Variants in ZCCHC7 observed in about 807,000 individuals in gnomAD.
ZCCHC7 encodes the protein zinc finger CCHC-type containing 7.
In ZCCHC7, 35 loss-of-function variants were observed where a neutral mutation model predicts 52.0. That is an observed-to-expected ratio of 0.67 (90% CI 0.51 to 0.89). ZCCHC7 has a LOEUF of 0.89. Ranked by LOEUF, ZCCHC7 falls within the 40% of genes least tolerant of loss-of-function variation. The pLI is 0.00. For missense variants in ZCCHC7, 574 were observed against 649.1 expected (o/e 0.88, Z 1.26); for synonymous variants, 217 against 221.5 (o/e 0.98, Z 0.18).
intron 6 of ZCCHC7, among the ~76,000 whole-genome samples, chr9:37,344,226 G>A (rs1213072659): frequency 1.3e-5 from 2 of 152,122 alleles, no homozygotes; most frequent in African/African-American, 4.8e-5. Flanking sequence ...TGTGAACATA[G>A]ACCTTTTCAG....
At chr9:37,248,345 GAATT>G (rs1176412125) in intron 2 of ZCCHC7, among the ~76,000 whole-genome samples, 1 of 152,136 alleles carries the variant, frequency 6.6e-6, no homozygotes, top group African/African-American at 2.4e-5. Context: ...ATCTGTTTAA[GAATT>G]AAAGTAATTT....
intron 2 of ZCCHC7, chr9:37,186,661 A>T (rs1822673534): frequency 3.6e-6 from 2 of 558,164 alleles, no homozygotes; most frequent in Admixed American, 6.3e-5. Flanking sequence ...AAATAAAGAA[A>T]ATTATACTCT....
At chr9:37,217,095 A>G (rs1443484309) in intron 2 of ZCCHC7, among the ~76,000 whole-genome samples, 1 of 152,132 alleles carries the variant, frequency 6.6e-6, no homozygotes, top group Admixed American at 6.5e-5. Context: ...CAGTGACTTA[A>G]GGAGAGAAGC....
intron 2 of ZCCHC7, among the ~76,000 whole-genome samples, chr9:37,235,998 G>GT (rs1338391485): frequency 6.6e-6 from 1 of 152,144 alleles, no homozygotes; most frequent in African/African-American, 2.4e-5. Flanking sequence ...CTTGGCTAAT[G>GT]TGAGTAGTGC....
chr9:37,346,958 T>C (rs495863), intron 6 of ZCCHC7, among the ~76,000 whole-genome samples: 57,495 of 151,938 alleles, frequency 0.38, 11,165 homozygotes, highest in Middle Eastern at 0.44. Context: ...ATTGTGCCTC[T>C]GTACTCCACC....
At chr9:37,304,597 C>T (rs1007396671) in intron 4 of ZCCHC7, among the ~76,000 whole-genome samples, 3 of 150,828 alleles carry the variant, frequency 2.0e-5, no homozygotes, top group Non-Finnish European at 2.9e-5. Context: ...ATGGAGCTTG[C>T]GGTAACAGAG....
intron 2 of ZCCHC7, among the ~76,000 whole-genome samples, chr9:37,280,821 T>C (rs896046352): frequency 1.3e-5 from 2 of 152,124 alleles, no homozygotes; most frequent in Non-Finnish European, 2.9e-5. Flanking sequence ...CAGGTTGGAA[T>C]GTAGAGGCAC....
At chr9:37,141,599 A>G (rs1163879844) in intron 2 of ZCCHC7, among the ~76,000 whole-genome samples, 3 of 151,942 alleles carry the variant, frequency 2.0e-5, no homozygotes, top group Admixed American at 1.3e-4. Flanking sequence ...GTTATTTTAT[A>G]GTGTAACCAA....
intron 6 of ZCCHC7, among the ~76,000 whole-genome samples, chr9:37,336,228 TC>T (rs1205648903): frequency 1.3e-5 from 2 of 152,144 alleles, no homozygotes; most frequent in Non-Finnish European, 2.9e-5. Context: ...TCTGCAGACT[TC>T]CAGCTGTATT....
At chr9:37,163,225 A>C (rs369025682) in intron 2 of ZCCHC7, among the ~76,000 whole-genome samples, 282 of 151,688 alleles carry the variant, frequency 1.9e-3, no homozygotes, top group Middle Eastern at 3.4e-3. Context: ...AACAAACAAA[A>C]AAAAACAAAA....
chr9:37,207,216 AT>A (rs1823965726), intron 2 of ZCCHC7, among the ~76,000 whole-genome samples: 1 of 152,114 alleles, frequency 6.6e-6, no homozygotes, highest in African/African-American at 2.4e-5. Flanking sequence ...TGAAAGTGTA[AT>A]TTTGCTTTCA....
intron 5 of ZCCHC7, among the ~76,000 whole-genome samples, chr9:37,318,289 C>A (rs1021185360): frequency 8.6e-5 from 13 of 151,758 alleles, no homozygotes; most frequent in Non-Finnish European, 1.8e-4. Flanking sequence ...TGGTGAAACC[C>A]CATCTGTACT....
intron 2 of ZCCHC7, among the ~76,000 whole-genome samples, chr9:37,247,180 T>G (rs533077043): frequency 5.1e-4 from 77 of 152,330 alleles, no homozygotes; most frequent in African/African-American, 1.8e-3. Context: ...TAAATGTACT[T>G]TGTGGATTTT....
At chr9:37,205,554 T>C (rs1048228087) in intron 2 of ZCCHC7, among the ~76,000 whole-genome samples, 1 of 152,224 alleles carries the variant, frequency 6.6e-6, no homozygotes, top group African/African-American at 2.4e-5. Flanking sequence ...TCTCGCTCAG[T>C]CGCCCAGGTT....
At chr9:37,199,327 CTTTTTTTTT>C (rs57881366) in intron 2 of ZCCHC7, among the ~76,000 whole-genome samples, 4 of 129,684 alleles carry the variant, frequency 3.1e-5, no homozygotes, top group Non-Finnish European at 4.8e-5. Context: ...TTTCTTTCTT[CTTTTTTTTT>C]TTTTTTTTTC....
intron 5 of ZCCHC7, among the ~76,000 whole-genome samples, chr9:37,316,412 A>G (rs189351876): frequency 1.1e-3 from 157 of 148,650 alleles, no homozygotes; most frequent in African/African-American, 3.7e-3. Flanking sequence ...TTTTAATGGT[A>G]TAAATAACAA....
intron 6 of ZCCHC7, among the ~76,000 whole-genome samples, chr9:37,343,040 A>C (rs994927102): frequency 6.6e-6 from 1 of 152,220 alleles, no homozygotes; most frequent in Non-Finnish European, 1.5e-5. Context: ...GTACATATAT[A>C]GTACATGCGC....
chr9:37,276,518 G>A (rs1411797402), intron 2 of ZCCHC7, among the ~76,000 whole-genome samples: 3 of 152,176 alleles, frequency 2.0e-5, no homozygotes, highest in Non-Finnish European at 2.9e-5. Context: ...TAATTGAGAA[G>A]ATTAAATAAG....
chr9:37,200,889 A>G (rs1453983725), intron 2 of ZCCHC7, among the ~76,000 whole-genome samples: 1 of 152,226 alleles, frequency 6.6e-6, no homozygotes, highest in Non-Finnish European at 1.5e-5. Flanking sequence ...GTCTTTTTTA[A>G]AATGAAAATG....
Sources: allele counts gnomAD v4.1 joint callset (sites outside exome capture counted in the v4.1 genomes callset), GRCh38; gene constraint gnomAD v4.1.1; transcripts MANE v1.5; gene names NCBI Gene and HGNC (gene_info 2026-07-23, HGNC 2026-07-21).